BARD1: variants seen among roughly 807,000 people sequenced by gnomAD.
BARD1 encodes the protein BRCA1 associated RING domain 1.
In BARD1, 73 loss-of-function variants were observed where a neutral mutation model predicts 77.0. The ratio of observed to expected loss-of-function variants is 0.95; its 90% CI spans 0.79 to 1.15. The LOEUF is 1.15. Among genes scored for constraint, BARD1 ranks in the 50% most tolerant of loss-of-function variants. The probability of loss-of-function intolerance (pLI) is 0.00; values close to 1 mark genes in which losing one functional copy is unlikely to be tolerated. For synonymous variants in BARD1, 384 were observed against 338.0 expected (o/e 1.14, Z -1.49); for missense variants, 993 against 938.8 (o/e 1.06, Z -0.75).
chr2:214,744,787 C>T (rs1289205616), intron 9 of BARD1, among the ~76,000 whole-genome samples: 1 of 152,062 alleles, frequency 6.6e-6, no homozygotes, highest in Admixed American at 6.5e-5. Flanking sequence ...CCCGCCACCA[C>T]GCCCGGCTAA....
chr2:214,758,951 T>C (rs1448664665), intron 6 of BARD1, among the ~76,000 whole-genome samples: 1 of 152,182 alleles, frequency 6.6e-6, no homozygotes, highest in Non-Finnish European at 1.5e-5. Flanking sequence ...TTTTTACTAA[T>C]ACTAAATCTA....
intron 4 of BARD1, among the ~76,000 whole-genome samples, chr2:214,777,532 G>T (rs1035736696): frequency 1.3e-5 from 2 of 151,862 alleles, no homozygotes; most frequent in African/African-American, 4.8e-5. Context: ...ACAATACAAC[G>T]CAAGTCTAAA....
chr2:214,744,853 G>A (rs970387353), intron 9 of BARD1, among the ~76,000 whole-genome samples: 33 of 151,964 alleles, frequency 2.2e-4, no homozygotes, highest in African/African-American at 6.5e-4. Context: ...GGATGATCTC[G>A]ATCTCCTGGC....
intron 1 of BARD1, among the ~76,000 whole-genome samples, chr2:214,806,992 G>A (rs1046427506): frequency 1.3e-5 from 2 of 151,952 alleles, no homozygotes; most frequent in African/African-American, 4.8e-5. Context: ...ACTATTGCCT[G>A]TGGGCCAAAC....
At chr2:214,809,344 A>G in intron 1 of BARD1, 68 bp downstream of exon 1, 1 of 1,593,940 alleles carries the variant, frequency 6.3e-7, no homozygotes, top group Admixed American at 1.7e-5. Context: ...ATTTGAAAAG[A>G]TTCTGCCGCC....
chr2:214,762,730 C>A (rs1000333251), intron 6 of BARD1, among the ~76,000 whole-genome samples: 2 of 152,168 alleles, frequency 1.3e-5, no homozygotes, highest in Admixed American at 6.5e-5. Context: ...TATATACTTA[C>A]CAATTTCAAT....
rs745618308 is a variant in BARD1 at position 214,797,055 on chromosome 2, A to G, written c.215+6T>C. ...GTACTATATACATCAAACCGTAATT[A>G]CTTACCTACAGAAGATGTGCTCACA... On this transcript the variant is annotated splice_donor_region_variant and intron_variant, in intron 2 of 10. Coordinates refer to ENST00000260947, the MANE Select transcript of BARD1 (RefSeq NM_000465.4). The G allele has an allele frequency of 6.2e-7, 1 of 1,605,106 alleles. No individual in the cohort carries two copies. Among genetic ancestry groups the G allele is most frequent in the South Asian group, 1.1e-5 (1 of 90,946 alleles).
Position 214,796,875 on chromosome 2 carries a change from T to C in BARD1, c.215+186A>G, listed in dbSNP as rs556812896. ...TTGGACAAGTCATCCTCTTTGAGCT[T>C]TGGTTTTCTTATTTGTAAATTAAGA... is the stretch of plus-strand genomic sequence containing the variant. On this transcript the variant is annotated intron_variant, in intron 2 of 10. Transcript: ENST00000260947. 2.7e-5 allele frequency: 16 copies of C among 603,214 alleles called. No homozygotes were observed. In the East Asian group the frequency reaches 4.2e-4, roughly 16 times the overall value. The allele number at this position is 603,214 out of a possible 1,614,324, so 37.4% of individuals were successfully genotyped here.
chr2:214,765,628 T>C (rs546119118), intron 6 of BARD1, among the ~76,000 whole-genome samples: 1 of 152,306 alleles, frequency 6.6e-6, no homozygotes, highest in South Asian at 2.1e-4. Context: ...CAGTTTCACC[T>C]GACCCAAGCA....
chr2:214,808,463 A>G (rs1696381158), intron 1 of BARD1, among the ~76,000 whole-genome samples: 1 of 149,064 alleles, frequency 6.7e-6, no homozygotes, highest in Non-Finnish European at 1.5e-5. Flanking sequence ...CAACTAGGTA[A>G]CTTAAGTTCT....
chr2:214,739,154 G>C (rs978122241), intron 9 of BARD1, among the ~76,000 whole-genome samples: 1 of 151,848 alleles, frequency 6.6e-6, no homozygotes, highest in South Asian at 2.1e-4. Flanking sequence ...GGAAAAAAGG[G>C]TTGTTATTAT....
In BARD1 at chr2:214,777,444, G is replaced by A. The variant is rs201589768; in HGVS notation, c.1314+3116C>T. ...AACTCCTGCTGGGTTCTCTGCCCTCGGTGCATACACCAAGGATGCTCAGCG... is the reference window on the plus strand; with the variant it reads ...AACTCCTGCTGGGTTCTCTGCCCTCAGTGCATACACCAAGGATGCTCAGCG... On this transcript the variant is annotated intron_variant, in intron 4 of 10. Transcript: ENST00000260947. Among the ~76,000 whole-genome samples, 12 of 152,214 alleles carry A rather than the reference G, an allele frequency of 7.9e-5. No individual in the cohort carries two copies. In the East Asian group the frequency reaches 1.9e-3, roughly 24 times the overall value.
chr2:214,768,121 G>C (rs1694303700), intron 5 of BARD1, among the ~76,000 whole-genome samples: 1 of 152,184 alleles, frequency 6.6e-6, no homozygotes, highest in Non-Finnish European at 1.5e-5. Flanking sequence ...CTGTATGGCT[G>C]CTGTTATTGA....
At chr2:214,788,950 A>G (rs2106127121) in intron 3 of BARD1, among the ~76,000 whole-genome samples, 1 of 152,222 alleles carries the variant, frequency 6.6e-6, no homozygotes, top group South Asian at 2.1e-4. Flanking sequence ...AAAAAATCTC[A>G]AATGCCCTTC....
At chr2:214,807,344 T>C (rs779983064) in intron 1 of BARD1, among the ~76,000 whole-genome samples, 39 of 152,330 alleles carry the variant, frequency 2.6e-4, no homozygotes, top group Non-Finnish European at 4.7e-4. Context: ...TCACTTCAGT[T>C]AGAAACTGGA....
At chr2:214,772,762 T>C (rs1457179619) in intron 4 of BARD1, among the ~76,000 whole-genome samples, 2 of 152,220 alleles carry the variant, frequency 1.3e-5, no homozygotes, top group African/African-American at 4.8e-5. Context: ...TTCTACTTCA[T>C]GTAAATGTAA....
At chr2:214,775,613 A>G (rs1268228160) in intron 4 of BARD1, among the ~76,000 whole-genome samples, 2 of 152,220 alleles carry the variant, frequency 1.3e-5, no homozygotes, top group Non-Finnish European at 2.9e-5. Flanking sequence ...AACAGCACTG[A>G]CAGACTTGCT....
intron 4 of BARD1, among the ~76,000 whole-genome samples, chr2:214,778,346 G>C (rs7605395): frequency 1.3e-5 from 2 of 151,842 alleles, no homozygotes; most frequent in African/African-American, 4.8e-5. Flanking sequence ...ACTATTAATT[G>C]GTGATTTTAA....
intron 1 of BARD1, among the ~76,000 whole-genome samples, chr2:214,801,350 G>C (rs1233620996): frequency 2.0e-5 from 3 of 152,140 alleles, no homozygotes; most frequent in Non-Finnish European, 2.9e-5. Flanking sequence ...AGAACCTCTT[G>C]AAGGATACAC....
Sources: gnomAD v4.1 joint callset for allele counts (sites outside exome capture counted in the v4.1 genomes callset) on GRCh38, gnomAD v4.1.1 for gene constraint, MANE v1.5 for transcripts, NCBI Gene and HGNC (gene_info 2026-07-23, HGNC 2026-07-21) for gene names.